The following AFG2B variants were observed in gnomAD, a reference collection of about 807,000 sequenced individuals.
The protein encoded by AFG2B is AAA ATPase AFG2B.
chr15:45,419,651 T>G, the AFG2B span, among the ~76,000 whole-genome samples: 1 of 152,140 alleles, frequency 6.6e-6, no homozygotes, highest in African/African-American at 2.4e-5. Flanking sequence ...TGTCAAGAAA[T>G]AGAACATTAT....
chr15:45,415,894 C>A, the AFG2B span: 2 of 959,800 alleles, frequency 2.1e-6, no homozygotes, highest in East Asian at 2.7e-5. Flanking sequence ...ATGCTGAATT[C>A]ATCTCATAGA....
the AFG2B span, chr15:45,415,891 A>T: frequency 4.1e-6 from 4 of 974,708 alleles, no homozygotes; most frequent in Non-Finnish European, 5.9e-6. Context: ...CCTATGCTGA[A>T]TTCATCTCAT....
At chr15:45,414,715 GT>G in the AFG2B span, 1 of 1,614,112 alleles carries the variant, frequency 6.2e-7, no homozygotes, top group Non-Finnish European at 8.5e-7. Flanking sequence ...CTGCTCTTTC[GT>G]TTCAGTGAGT....
chr15:45,408,326 C>T, the AFG2B span, among the ~76,000 whole-genome samples: 2 of 152,190 alleles, frequency 1.3e-5, no homozygotes, highest in African/African-American at 4.8e-5. Flanking sequence ...TAAGCTTTAT[C>T]ATTCTCTTTT....
the AFG2B span, among the ~76,000 whole-genome samples, chr15:45,408,535 T>C: frequency 1.5e-4 from 23 of 152,206 alleles, no homozygotes; most frequent in African/African-American, 4.8e-4. Context: ...CACAGTATGG[T>C]GATGTATAGT....
chr15:45,403,408 A>T, the AFG2B span: 1 of 1,609,838 alleles, frequency 6.2e-7, no homozygotes, highest in Non-Finnish European at 8.5e-7. Context: ...CCAGGTGTTG[A>T]CGCTGCTGGA....
the AFG2B span, chr15:45,418,632 G>A: frequency 3.1e-6 from 5 of 1,614,044 alleles, no homozygotes; most frequent in Non-Finnish European, 2.5e-6. Context: ...AAACCTCGCA[G>A]CAGAAACCTG....
chr15:45,403,250 G>T, the AFG2B span: 20,734 of 1,579,744 alleles, frequency 0.013, 153 homozygotes, highest in Non-Finnish European at 0.016. Context: ...CAGGGTTCCC[G>T]GCCTGGGGAG....
chr15:45,403,147 G>A, the AFG2B span: 1 of 1,460,452 alleles, frequency 6.8e-7, no homozygotes, highest in Non-Finnish European at 9.0e-7. Context: ...GGTGCTCCTG[G>A]CGGGGCCCCC....
the AFG2B span, among the ~76,000 whole-genome samples, chr15:45,411,205 A>C: frequency 2.6e-5 from 4 of 152,094 alleles, no homozygotes; most frequent in African/African-American, 4.8e-5. Flanking sequence ...GTCCGGGGGG[A>C]AAAAAGTGTA....
the AFG2B span, chr15:45,402,893 G>A: frequency 6.3e-7 from 1 of 1,598,504 alleles, no homozygotes; most frequent in Non-Finnish European, 8.5e-7. Context: ...GCTCCGCCAG[G>A]CGCTCCTGGC....
At chr15:45,408,375 C>T in the AFG2B span, among the ~76,000 whole-genome samples, 17 of 152,168 alleles carry the variant, frequency 1.1e-4, no homozygotes, top group African/African-American at 4.1e-4. Flanking sequence ...TTCTCTCTCT[C>T]TCTGTCATCT....
At chr15:45,403,517 A>T in the AFG2B span, 194 of 1,602,026 alleles carry the variant, frequency 1.2e-4, no homozygotes, top group Non-Finnish European at 1.6e-4. Flanking sequence ...TTTGACCGAG[A>T]GGTGAATGGG....
At chr15:45,404,268 C>T in the AFG2B span, among the ~76,000 whole-genome samples, 2 of 152,104 alleles carry the variant, frequency 1.3e-5, no homozygotes, top group Admixed American at 6.5e-5. Flanking sequence ...TATCTAGTAC[C>T]TGTGTCCTTA....
chr15:45,417,453 T>TG, the AFG2B span: 1 of 1,593,982 alleles, frequency 6.3e-7, no homozygotes. Flanking sequence ...AATTCCAACT[T>TG]GGATATAGGT....
the AFG2B span, among the ~76,000 whole-genome samples, chr15:45,416,154 A>G: frequency 6.6e-6 from 1 of 152,172 alleles, no homozygotes; most frequent in African/African-American, 2.4e-5. Flanking sequence ...GACTGGGCAC[A>G]GTGGCACACG....
At chr15:45,420,154 A>T in the AFG2B span, among the ~76,000 whole-genome samples, 3 of 152,224 alleles carry the variant, frequency 2.0e-5, no homozygotes, top group Non-Finnish European at 4.4e-5. Context: ...AAAGAAATTT[A>T]TCCATAGTTT....
chr15:45,410,338 G>C, the AFG2B span: 1 of 1,593,712 alleles, frequency 6.3e-7, no homozygotes, highest in Non-Finnish European at 8.6e-7. Flanking sequence ...CTAATTTTTG[G>C]TTTGATTTTG....
At chr15:45,406,020 C>T in the AFG2B span, among the ~76,000 whole-genome samples, 4 of 152,108 alleles carry the variant, frequency 2.6e-5, no homozygotes, top group Non-Finnish European at 5.9e-5. Flanking sequence ...CCTTTACCCG[C>T]GAAAACGTAA....
Sources: gnomAD v4.1 joint callset for allele counts (sites outside exome capture counted in the v4.1 genomes callset) on GRCh38, gnomAD v4.1.1 for gene constraint, MANE v1.5 for transcripts, NCBI Gene and HGNC (gene_info 2026-07-23, HGNC 2026-07-21) for gene names.